Variants in IGF2BP2 observed in about 807,000 individuals in gnomAD.
IGF2BP2 encodes the protein insulin like growth factor 2 mRNA binding protein 2, also known as insulin-like growth factor 2 mRNA-binding protein 2.
In IGF2BP2, 17 loss-of-function variants were observed where a neutral mutation model predicts 75.8. The observed-to-expected ratio is 0.22, with a 90% CI of 0.15 to 0.34. IGF2BP2 has a LOEUF of 0.34. Ranked by LOEUF, IGF2BP2 falls within the 10% of genes least tolerant of loss-of-function variation. The pLI is 1.00. For synonymous variants in IGF2BP2, 288 were observed against 295.6 expected (o/e 0.97, Z 0.26); for missense variants, 516 against 772.4 (o/e 0.67, Z 3.93).
In IGF2BP2 at chr3:185,689,472, G is replaced by C; in HGVS notation, c.560C>G (p.Ser187Cys). The C allele has an allele frequency of 6.2e-7, 1 of 1,613,856 alleles. No homozygotes were observed. Among genetic ancestry groups the C allele is most frequent in the East Asian group, 2.2e-5 (1 of 44,866 alleles). ...CGGGAAATCAATCTGTCTGGCCTGA[G>C]AAGTGCCCCCAGGGGCGTGGCCTTG... ...REQGHAPGGT[S>C]QARQIDFPLR... The change falls in exon 6 of 16, where the codon TCT becomes TGT. Residue 187 changes from serine to cysteine, a missense_variant. Around this residue, in one of 3 missense-constraint regions of IGF2BP2, gnomAD observed 312 missense variants for 474.5 expected, o/e 0.66. Coordinates refer to ENST00000382199, the MANE Select transcript of IGF2BP2 (RefSeq NM_006548.6).
intron 6 of IGF2BP2, among the ~76,000 whole-genome samples, chr3:185,688,401 G>C (rs1721445354): frequency 6.6e-6 from 1 of 152,204 alleles, no homozygotes; most frequent in Non-Finnish European, 1.5e-5. Flanking sequence ...GGAGTGCAGT[G>C]GCGCCATCTC....
chr3:185,702,064 C>T (rs530306763), intron 2 of IGF2BP2, among the ~76,000 whole-genome samples: 1 of 152,306 alleles, frequency 6.6e-6, no homozygotes, highest in East Asian at 1.9e-4. Context: ...GTTTCCTCTG[C>T]ACTTTTCGGT....
At chr3:185,743,607 G>T (rs913215226) in intron 2 of IGF2BP2, among the ~76,000 whole-genome samples, 8 of 152,164 alleles carry the variant, frequency 5.3e-5, no homozygotes, top group African/African-American at 1.7e-4. Flanking sequence ...TACTTTTCCT[G>T]TTTTTTGAAC....
chr3:185,703,345 T>C (rs550649569), intron 2 of IGF2BP2, among the ~76,000 whole-genome samples: 2 of 152,326 alleles, frequency 1.3e-5, no homozygotes, highest in East Asian at 3.9e-4. Flanking sequence ...TGAGTGAATT[T>C]CAGATAAGCT....
intron 10 of IGF2BP2, among the ~76,000 whole-genome samples, chr3:185,663,345 CACCCACTAACTGAG>C (rs1295590355): frequency 6.6e-6 from 1 of 152,238 alleles, no homozygotes; most frequent in Non-Finnish European, 1.5e-5. Context: ...CCTCACCTCC[CACCCACTAACTGAG>C]AGGCAGAGGG....
intron 10 of IGF2BP2, among the ~76,000 whole-genome samples, chr3:185,668,504 G>GAT (rs199744636): frequency 0.011 from 1,322 of 122,728 alleles, 7 homozygotes; most frequent in Middle Eastern, 0.013. Flanking sequence ...GAGAGAGAGA[G>GAT]AGAGATATAT....
intron 2 of IGF2BP2, among the ~76,000 whole-genome samples, chr3:185,754,022 G>A (rs1731285327): frequency 6.6e-6 from 1 of 151,608 alleles, no homozygotes. Flanking sequence ...TGGGCAACAT[G>A]TTGAAACCCC....
chr3:185,774,809 C>G (rs1289768216), intron 2 of IGF2BP2, among the ~76,000 whole-genome samples: 1 of 151,942 alleles, frequency 6.6e-6, no homozygotes, highest in Non-Finnish European at 1.5e-5. Context: ...ATCACAAGGT[C>G]AGGAGTATCA....
chr3:185,688,748 CG>C (rs1721498059), intron 6 of IGF2BP2, among the ~76,000 whole-genome samples: 1 of 152,168 alleles, frequency 6.6e-6, no homozygotes, highest in African/African-American at 2.4e-5. Context: ...ACAACTTGAA[CG>C]TAAGTCTTTG....
chr3:185,752,149 T>C (rs1390638721), intron 2 of IGF2BP2, among the ~76,000 whole-genome samples: 1 of 152,138 alleles, frequency 6.6e-6, no homozygotes, highest in African/African-American at 2.4e-5. Flanking sequence ...ATGGCATAGG[T>C]GGACAATAAT....
At position 185,785,320 on chromosome 3, in the gene IGF2BP2, C is replaced by T. The variant is rs552870897; in HGVS notation, c.239+37833G>A. Among the ~76,000 whole-genome samples the T allele has an allele frequency of 1.1e-3, 152 of 143,196 alleles. 1 individual carries two copies. The highest frequency in any genetic ancestry group is 3.4e-3 in the African/African-American group (134 of 38,842). 93.9% of individuals were successfully genotyped at this position (143,196 alleles called of 152,430 possible). A position where few individuals can be genotyped will look rare whatever the true frequency, so the allele number is the denominator to read the frequency against. ...CTTCTCAAAAAAAAAAAAAAAGAAA[C>T]GACATGATTGCGAAGAGCTTATATG... On this transcript the variant is annotated intron_variant, in intron 2 of 15. Transcript: ENST00000382199.
In IGF2BP2 at chr3:185,644,474, G is replaced by C. The variant is rs7355809; in HGVS notation, c.*1057C>G. ...CCTGTTTTCCTCTTCCAAAACGCTA[G>C]GACAAGTACCATTGACTCTTGTTCT... On this transcript the variant is annotated 3_prime_UTR_variant, in exon 16 of 16. Transcript: ENST00000382199. The C allele has an allele frequency of 2.0e-5, 3 of 152,268 alleles. No individual in the cohort carries two copies. Among genetic ancestry groups the C allele is most frequent in the Non-Finnish European group, 4.4e-5 (3 of 67,998 alleles). The allele number at this position is 152,268 out of a possible 1,614,324, so 9.4% of individuals were successfully genotyped here. A position where few individuals can be genotyped will look rare whatever the true frequency, so the allele number is the denominator to read the frequency against.
At chr3:185,823,697 G>A (rs1741652676) in intron 1 of IGF2BP2, among the ~76,000 whole-genome samples, 2 of 151,698 alleles carry the variant, frequency 1.3e-5, no homozygotes. Flanking sequence ...GTCCCTGCCC[G>A]CTCCTGGGTG....
intron 2 of IGF2BP2, among the ~76,000 whole-genome samples, chr3:185,723,204 G>C (rs939120968): frequency 5.3e-5 from 8 of 152,128 alleles, no homozygotes; most frequent in African/African-American, 1.9e-4. Flanking sequence ...CACATTAGGG[G>C]CACAATCAAA....
At chr3:185,822,003 TA>T (rs150655061) in intron 2 of IGF2BP2, among the ~76,000 whole-genome samples, 12,416 of 148,676 alleles carry the variant, frequency 0.084, 757 homozygotes, top group African/African-American at 0.18. Flanking sequence ...TTTTTTAAAT[TA>T]AAAAAAAAAC....
intron 7 of IGF2BP2, among the ~76,000 whole-genome samples, chr3:185,680,266 G>C (rs1258271520): frequency 5.9e-5 from 9 of 152,086 alleles, no homozygotes. Context: ...TGAAGAAATG[G>C]AAAGTCTGAT....
intron 2 of IGF2BP2, among the ~76,000 whole-genome samples, chr3:185,746,589 A>G (rs1044021899): frequency 6.6e-6 from 1 of 152,212 alleles, no homozygotes; most frequent in African/African-American, 2.4e-5. Flanking sequence ...AGCTCTCACT[A>G]ACAGGTAGGA....
rs1560213827 is a variant in IGF2BP2, at chr3:185,644,594, G to GGC, written c.*936_*937insGC. On this transcript the variant is annotated 3_prime_UTR_variant, in exon 16 of 16. Transcript: ENST00000382199. ...ACTCAGAGCACTGCTTTGCCTGGGG[G>GGC]GGGGGGGGTGCGTAGATACGGGATT... is the stretch of plus-strand genomic sequence containing the variant. The GGC allele has an allele frequency of 2.8e-5, 4 of 143,450 alleles. 1 individual carries two copies. The highest frequency in any genetic ancestry group is 4.0e-4 in the East Asian group (2 of 5,038). 8.9% of individuals were successfully genotyped at this position (143,450 alleles called of 1,614,324 possible).
chr3:185,789,926 G>T (rs1736421058), intron 2 of IGF2BP2, among the ~76,000 whole-genome samples: 1 of 151,972 alleles, frequency 6.6e-6, no homozygotes, highest in Admixed American at 6.6e-5. Context: ...TAGAGATGAG[G>T]TTTCACCATG....
Sources: allele counts gnomAD v4.1 joint callset (sites outside exome capture counted in the v4.1 genomes callset), GRCh38; gene constraint gnomAD v4.1.1; regional missense constraint gnomAD v4.1.1; transcripts MANE v1.5; gene names NCBI Gene and HGNC (gene_info 2026-07-23, HGNC 2026-07-21).